Variants in TBL1XR1 observed in about 807,000 individuals in gnomAD.
The protein encoded by TBL1XR1 is F-box-like/WD repeat-containing protein TBL1XR1.
TBL1XR1 carries 5 observed loss-of-function variants against 66.9 expected under a neutral mutation model. The ratio of observed to expected loss-of-function variants is 0.07; its 90% confidence interval spans 0.04 to 0.16. The LOEUF is 0.16. Among genes scored for constraint, TBL1XR1 ranks in the 10% least tolerant of loss-of-function variants. TBL1XR1 has a pLI of 1.00. For missense variants in TBL1XR1, 238 were observed against 623.2 expected (o/e 0.38, Z 6.58); for synonymous variants, 210 against 206.0 (o/e 1.02, Z -0.17).
intron 2 of TBL1XR1, among the ~76,000 whole-genome samples, chr3:177,094,563 G>C (rs560449677): frequency 4.4e-4 from 67 of 152,262 alleles, no homozygotes; most frequent in African/African-American, 1.3e-3. Context: ...CAAAACTATG[G>C]AACCAGCCCA....
intron 1 of TBL1XR1, among the ~76,000 whole-genome samples, chr3:177,143,214 C>G (rs1180041587): frequency 6.6e-6 from 1 of 151,978 alleles, no homozygotes; most frequent in African/African-American, 2.4e-5. Flanking sequence ...AACAGAAACA[C>G]ACAGTTACTA....
intron 1 of TBL1XR1, among the ~76,000 whole-genome samples, chr3:177,157,683 A>G (rs970450849): frequency 2.0e-5 from 3 of 152,172 alleles, no homozygotes; most frequent in Non-Finnish European, 4.4e-5. Context: ...TATTCTCCCT[A>G]CCACAAAATG....
rs1164409474 is a variant in TBL1XR1, at chr3:177,023,643, A to AG, written c.*1854dup. 2.0e-5 allele frequency: 3 copies of AG among 152,586 alleles called. No homozygotes were observed. Among genetic ancestry groups the AG allele is most frequent in the South Asian group, 4.1e-4 (2 of 4,832 alleles). The allele number at this position is 152,586 out of a possible 1,614,324, so 9.5% of individuals were successfully genotyped here. ...AAGTGTATTTATTCTCTTTACCAAT[A>AG]GCAAATGCTACCCTACCTTAGTAAA... On this transcript the variant is annotated 3_prime_UTR_variant, in exon 16 of 16. Transcript: ENST00000457928.
chr3:177,078,096 A>G (rs1207978007), intron 2 of TBL1XR1, among the ~76,000 whole-genome samples: 4 of 152,206 alleles, frequency 2.6e-5, no homozygotes, highest in East Asian at 1.9e-4. Context: ...TTTAATATGC[A>G]TATTTTTTCA....
At chr3:177,132,987 C>T (rs1046436737) in intron 1 of TBL1XR1, among the ~76,000 whole-genome samples, 2 of 152,156 alleles carry the variant, frequency 1.3e-5, no homozygotes, top group African/African-American at 4.8e-5. Flanking sequence ...TATAATTTCA[C>T]TACTTAAAAT....
intron 2 of TBL1XR1, among the ~76,000 whole-genome samples, chr3:177,095,275 C>A (rs1483295388): frequency 1.3e-5 from 2 of 151,748 alleles, no homozygotes; most frequent in African/African-American, 4.8e-5. Context: ...AATGGGTATA[C>A]GGTTTTGGTT....
At chr3:177,188,543 G>C (rs561088220) in intron 1 of TBL1XR1, among the ~76,000 whole-genome samples, 3 of 151,760 alleles carry the variant, frequency 2.0e-5, no homozygotes, top group Non-Finnish European at 4.4e-5. Context: ...GCAAACCTCC[G>C]TCAAAAAAAA....
intron 2 of TBL1XR1, among the ~76,000 whole-genome samples, chr3:177,072,542 A>T (rs1577081368): frequency 6.6e-6 from 1 of 152,196 alleles, no homozygotes; most frequent in Non-Finnish European, 1.5e-5. Context: ...GAAAATCTTA[A>T]ATGTTCAAAT....
At chr3:177,122,897 GGTACTTTTTA>G (rs1230129026) in intron 1 of TBL1XR1, among the ~76,000 whole-genome samples, 3 of 152,066 alleles carry the variant, frequency 2.0e-5, no homozygotes, top group Non-Finnish European at 1.5e-5. Context: ...TGAATGTGGA[GGTACTTTTTA>G]GCACAATGAA....
intron 1 of TBL1XR1, among the ~76,000 whole-genome samples, chr3:177,141,819 C>T (rs187511964): frequency 1.3e-5 from 2 of 152,272 alleles, no homozygotes; most frequent in Admixed American, 1.3e-4. Flanking sequence ...AAGTGTCCAT[C>T]AACAGATAAA....
At chr3:177,098,942 T>C (rs1051667015) in intron 1 of TBL1XR1, among the ~76,000 whole-genome samples, 2 of 152,228 alleles carry the variant, frequency 1.3e-5, no homozygotes, top group African/African-American at 4.8e-5. Context: ...AAATATATCA[T>C]TGGTTTAGAA....
intron 1 of TBL1XR1, among the ~76,000 whole-genome samples, chr3:177,112,088 TA>T (rs1560188355): frequency 0.069 from 3,540 of 51,308 alleles, 326 homozygotes; most frequent in South Asian, 0.1. Flanking sequence ...TATATATATA[TA>T]TATATATATA....
At chr3:177,151,961 T>C (rs1283613464) in intron 1 of TBL1XR1, among the ~76,000 whole-genome samples, 2 of 152,094 alleles carry the variant, frequency 1.3e-5, no homozygotes, top group Non-Finnish European at 2.9e-5. Flanking sequence ...GAGGTGGAAG[T>C]TGCAGTGAGC....
chr3:177,047,366 T>C lies in TBL1XR1; in HGVS notation c.798A>G (p.Lys266=), dbSNP rs779782589. Residue 266 remains lysine, a synonymous_variant, in exon 9 of 16, where the codon AAA becomes AAG. Coordinates refer to ENST00000457928, the MANE Select transcript of TBL1XR1 (RefSeq NM_024665.7). ...GNLASTLGQH[K]GPIFALKWNK... Reference sequence around the variant, plus strand: ...TCCATTTTAATGCAAATATAGGGCCTTTATGCTGCCCTAAGGTGCTAGCAA... The same window carrying C: ...TCCATTTTAATGCAAATATAGGGCCCTTATGCTGCCCTAAGGTGCTAGCAA... 7.6e-6 allele frequency: 12 copies of C among 1,575,900 alleles called. No homozygotes were observed. In the South Asian group the frequency reaches 1.4e-4, roughly 18 times the overall value.
chr3:177,119,770 G>A (rs530362597), intron 1 of TBL1XR1, among the ~76,000 whole-genome samples: 33 of 152,292 alleles, frequency 2.2e-4, no homozygotes, highest in Non-Finnish European at 3.5e-4. Context: ...TCAACCACAC[G>A]ACACGAAGAA....
At chr3:177,132,098 C>T (rs1158255511) in intron 1 of TBL1XR1, among the ~76,000 whole-genome samples, 2 of 152,130 alleles carry the variant, frequency 1.3e-5, no homozygotes, top group Non-Finnish European at 2.9e-5. Context: ...CTGTCTGTAC[C>T]GGCTTGTCAG....
intron 13 of TBL1XR1, among the ~76,000 whole-genome samples, 190 bp downstream of exon 13, chr3:177,034,008 T>C (rs1714397580): frequency 6.6e-6 from 1 of 151,012 alleles, no homozygotes; most frequent in Non-Finnish European, 1.5e-5. Flanking sequence ...GCAAAACCAG[T>C]GCACAGAAAT....
At chr3:177,198,374 ATAATG>A (rs1168112299), upstream of TBL1XR1, among the ~76,000 whole-genome samples, 7 of 152,360 alleles carry the variant, frequency 4.6e-5, 2 homozygotes, top group South Asian at 1.4e-3. Context: ...CAAAAATAAA[ATAATG>A]TAACTAAATG....
intron 1 of TBL1XR1, among the ~76,000 whole-genome samples, chr3:177,168,124 G>T (rs570818266): frequency 2.0e-5 from 3 of 152,216 alleles, no homozygotes; most frequent in African/African-American, 7.2e-5. Context: ...ATTAGGCCAT[G>T]TTATATAACA....
Sources: gnomAD v4.1 joint callset for allele counts (sites outside exome capture counted in the v4.1 genomes callset) on GRCh38, gnomAD v4.1.1 for gene constraint, MANE v1.5 for transcripts, NCBI Gene and HGNC (gene_info 2026-07-23, HGNC 2026-07-21) for gene names.